MED16: variants seen among roughly 807,000 people sequenced by gnomAD.
MED16 encodes mediator of RNA polymerase II transcription subunit 16.
In MED16, 81 loss-of-function variants were observed where a neutral mutation model predicts 84.4. The observed-to-expected ratio is 0.96, with a 90% CI of 0.80 to 1.15. The LOEUF is 1.15. Ranked by LOEUF, MED16 falls within the 50% of genes most tolerant of loss-of-function variation. The probability of loss-of-function intolerance (pLI) is 0.00; values close to 1 mark genes in which losing one functional copy is unlikely to be tolerated. For synonymous variants in MED16, 897 were observed against 552.2 expected, an observed-to-expected ratio of 1.62 and a Z score of -8.76; for missense variants, 1,585 against 1,245.9, an observed-to-expected ratio of 1.27 and a Z score of -4.10.
At chr19:872,207 G>C (rs568065755) in intron 11 of MED16, 89 bp from the exon 12 acceptor site, 13 of 1,050,134 alleles carry the variant, frequency 1.2e-5, no homozygotes, top group Admixed American at 7.4e-5. Flanking sequence ...AACCCCGACC[G>C]GGGGGCAATG....
intron 1 of MED16, among the ~76,000 whole-genome samples, chr19:891,694 C>T (rs1181394675): frequency 2.7e-5 from 2 of 73,902 alleles, no homozygotes; most frequent in Admixed American, 1.6e-4. Context: ...GTGGCCGAGG[C>T]GGGGCTGAGT....
intron 11 of MED16, among the ~76,000 whole-genome samples, 173 bp from the exon 12 acceptor site, chr19:872,291 C>G (rs1050903685): frequency 6.6e-6 from 1 of 151,974 alleles, no homozygotes; most frequent in Admixed American, 6.6e-5. Context: ...GCCGGGGACG[C>G]TGCTCAGAGC....
intron 6 of MED16, 92 bp downstream of exon 6, chr19:884,811 C>CCCT: frequency 2.0e-6 from 2 of 1,019,902 alleles, no homozygotes; most frequent in Non-Finnish European, 2.9e-6. Flanking sequence ...TTCAGGACCA[C>CCCT]CCTGGGTGAC....
intron 13 of MED16, among the ~76,000 whole-genome samples, chr19:869,512 C>T (rs1019666931): frequency 2.6e-5 from 4 of 152,140 alleles, no homozygotes; most frequent in African/African-American, 4.8e-5. Context: ...CTGACGTAAC[C>T]GTCCTCTCTT....
intron 9 of MED16, 89 bp from the exon 10 acceptor site, chr19:875,543 A>T: frequency 9.4e-7 from 1 of 1,060,626 alleles, no homozygotes; most frequent in Non-Finnish European, 1.3e-6. Context: ...TTCGACTCTG[A>T]CACCAGGCGC....
At position 872,614 on chromosome 19, in the gene MED16, A is replaced by C. The variant is rs1683573; in HGVS notation, c.1906-496T>G. ...CAGGATGAAGCCGGGTGGGTGGGGC[A>C]GAAGAAATCACAGCTGGGGCAGGAC... On this transcript the variant is annotated intron_variant, in intron 11 of 15. Transcript: ENST00000325464. Among the ~76,000 whole-genome samples, 4 of 149,212 alleles carry C rather than the reference A, an allele frequency of 2.7e-5. No individual in the cohort carries two copies. The East Asian group carries it at 8.4e-4, about 31-fold the overall frequency.
chr19:878,922 G>C (rs866614904), intron 8 of MED16, among the ~76,000 whole-genome samples: 3 of 872 alleles, frequency 3.4e-3, no homozygotes, highest in Non-Finnish European at 6.5e-3. Context: ...CACCAGCCCC[G>C]GCCCCGGCCC....
chr19:873,393 C>G (rs1276376416), intron 11 of MED16, 56 bp downstream of exon 11: 1 of 1,511,786 alleles, frequency 6.6e-7, no homozygotes. Context: ...AAGCGGGGTC[C>G]TGATGAGATG....
At chr19:878,785 G>A (rs113251429) in intron 8 of MED16, among the ~76,000 whole-genome samples, 2 of 98,764 alleles carry the variant, frequency 2.0e-5, no homozygotes, top group East Asian at 3.2e-4. Context: ...GGTTGTCAAT[G>A]CCCACCAGCC....
chr19:869,246 C>T (rs761398435), intron 13 of MED16, among the ~76,000 whole-genome samples: 2 of 152,210 alleles, frequency 1.3e-5, no homozygotes, highest in East Asian at 1.9e-4. Flanking sequence ...CGGTCCGCCA[C>T]GTGCCCGGGG....
intron 4 of MED16, among the ~76,000 whole-genome samples, chr19:887,516 A>G (rs988097623): frequency 6.6e-6 from 1 of 151,756 alleles, no homozygotes; most frequent in African/African-American, 2.4e-5. Context: ...AAATACAAAA[A>G]TTAGCCGGGC....
rs954441194 is a variant in MED16 at position 886,021 on chromosome 19, G to A, written c.628C>T (p.Arg210Cys). ...LTSTESLCRL[R>C]GRVALADIAF... ...ATGTCGGCCAGGGCCACGCGGCCGCGCAGCCGGCACAGGCTCTCGGTGGAC... is the reference window on the plus strand; with the variant it reads ...ATGTCGGCCAGGGCCACGCGGCCGCACAGCCGGCACAGGCTCTCGGTGGAC... The change falls in exon 5 of 16, where the codon CGC becomes TGC. Residue 210 changes from arginine (R) to cysteine (C), a missense_variant. Arg to Cys is a radical substitution (Grantham distance 180). Coordinates refer to ENST00000325464, the MANE Select transcript of MED16 (RefSeq NM_005481.3). 1.5e-5 allele frequency: 24 copies of A among 1,600,510 alleles called. No individual in the cohort carries two copies. The highest frequency in any genetic ancestry group is 1.9e-5 in the Non-Finnish European group (22 of 1,175,780).
Position 889,216 on chromosome 19 carries a change from C to A in MED16, c.447+422G>T, listed in dbSNP as rs73505578. ...CCAACCCTGGCCACGCCTACTCTTA[C>A]CTGTGGGGCCGAATCACAGGGAGCA... On this transcript the variant is annotated intron_variant, in intron 4 of 15. Coordinates refer to ENST00000325464, the MANE Select transcript of MED16 (RefSeq NM_005481.3). Among the ~76,000 whole-genome samples the A allele has an allele frequency of 6.8e-3, 1,012 of 148,514 alleles. 11 individuals carry two copies. The highest frequency in any genetic ancestry group is 0.024 in the African/African-American group (924 of 38,182).
At chr19:881,457 G>A (rs992803094) in intron 7 of MED16, 102 bp downstream of exon 7, 45 of 1,368,872 alleles carry the variant, frequency 3.3e-5, no homozygotes, top group African/African-American at 2.2e-4. Context: ...CAGAGCCCAC[G>A]TCCTCTGGTG....
chr19:887,448 T>A (rs138656682), intron 4 of MED16, among the ~76,000 whole-genome samples: 2,770 of 151,032 alleles, frequency 0.018, 72 homozygotes, highest in African/African-American at 0.063. Flanking sequence ...CGGGCAGATC[T>A]CAAGGTCAGG....
chr19:868,531 A>C (rs751319315), intron 14 of MED16, 32 bp from the exon 15 acceptor site: 3 of 1,603,768 alleles, frequency 1.9e-6, no homozygotes, highest in South Asian at 1.1e-5. Flanking sequence ...GCGGGTTCCC[A>C]CTTCCAGGCG....
intron 4 of MED16, among the ~76,000 whole-genome samples, chr19:888,818 G>A (rs954069511): frequency 6.6e-6 from 1 of 152,168 alleles, no homozygotes; most frequent in African/African-American, 2.4e-5. Flanking sequence ...GACTCACGAA[G>A]GGACGAGAGA....
intron 1 of MED16, among the ~76,000 whole-genome samples, 185 bp from the exon 2 acceptor site, chr19:891,334 C>G (rs73505596): frequency 0.018 from 2,758 of 152,208 alleles, 72 homozygotes; most frequent in African/African-American, 0.062. Flanking sequence ...CAGGGCCAGT[C>G]CTGGGCCTGT....
At chr19:868,542 G>A (rs761069833) in intron 14 of MED16, 43 bp from the exon 15 acceptor site, 3 of 1,601,272 alleles carry the variant, frequency 1.9e-6, no homozygotes, top group Non-Finnish European at 2.5e-6. Flanking sequence ...CTTCCAGGCG[G>A]GCCTCCCTTA....
Sources: gnomAD v4.1 joint callset for allele counts (sites outside exome capture counted in the v4.1 genomes callset) on GRCh38, gnomAD v4.1.1 for gene constraint, MANE v1.5 for transcripts, NCBI Gene and HGNC (gene_info 2026-07-23, HGNC 2026-07-21) for gene names.